Variants in CNOT10 observed in about 807,000 individuals in gnomAD.
The protein encoded by CNOT10 is CCR4-NOT transcription complex, subunit 10.
Under a neutral mutation model 94.6 loss-of-function variants are expected in CNOT10, and 30 were observed. The ratio of observed to expected loss-of-function variants is 0.32; its 90% CI spans 0.24 to 0.43. The LOEUF (loss-of-function observed/expected upper bound fraction) is 0.43, where lower values mean the gene tolerates loss of function less well. Ranked by LOEUF, CNOT10 falls within the 20% of genes least tolerant of loss-of-function variation. CNOT10 has a pLI of 1.00. For missense variants in CNOT10, 759 were observed against 877.2 expected (o/e 0.87, Z 1.70); for synonymous variants, 289 against 301.6 (o/e 0.96, Z 0.43).
At chr3:32,716,013 C>T in intron 5 of CNOT10, 1 of 393,754 alleles carries the variant, frequency 2.5e-6, no homozygotes, top group Non-Finnish European at 4.6e-6. Flanking sequence ...TGCCATGTTA[C>T]TCAAGCTGGT....
intron 10 of CNOT10, among the ~76,000 whole-genome samples, chr3:32,729,969 C>T (rs62250845): frequency 6.6e-6 from 1 of 151,100 alleles, no homozygotes; most frequent in Non-Finnish European, 1.5e-5. Context: ...GGGGTTTCAC[C>T]GTTTTAGCCG....
intron 8 of CNOT10, among the ~76,000 whole-genome samples, chr3:32,724,762 T>C (rs1698593289): frequency 6.6e-6 from 1 of 152,152 alleles, no homozygotes; most frequent in African/African-American, 2.4e-5. Context: ...TTTCACCATG[T>C]TGGCCAGGCT....
chr3:32,695,428 GTTTTC>G, intron 1 of CNOT10: 1 of 679,042 alleles, frequency 1.5e-6, no homozygotes, highest in East Asian at 3.2e-5. Context: ...CTTTGGAAAA[GTTTTC>G]TTTTCTTGAT....
chr3:32,725,303 C>T (rs1698616595), intron 8 of CNOT10, 147 bp from the exon 9 acceptor site: 1 of 576,820 alleles, frequency 1.7e-6, no homozygotes. Context: ...CAGATATTTC[C>T]TAAATTTCAA....
intron 8 of CNOT10, among the ~76,000 whole-genome samples, chr3:32,721,031 T>C (rs1698376119): frequency 7.2e-6 from 1 of 139,130 alleles, no homozygotes. Flanking sequence ...CTTCCTTCCT[T>C]CCCTTCCTTC....
chr3:32,699,299 G>A (rs1697225201), intron 1 of CNOT10, among the ~76,000 whole-genome samples: 1 of 152,172 alleles, frequency 6.6e-6, no homozygotes, highest in Admixed American at 6.5e-5. Context: ...TTAACAACAT[G>A]TTGTAAATAT....
At chr3:32,750,331 C>G (rs1699908263) in intron 13 of CNOT10, among the ~76,000 whole-genome samples, 1 of 151,916 alleles carries the variant, frequency 6.6e-6, no homozygotes, top group Non-Finnish European at 1.5e-5. Flanking sequence ...CCCATCTCTA[C>G]TAAAAATATA....
At chr3:32,748,074 A>G (rs925261303) in intron 13 of CNOT10, among the ~76,000 whole-genome samples, 1 of 152,180 alleles carries the variant, frequency 6.6e-6, no homozygotes, top group African/African-American at 2.4e-5. Flanking sequence ...CCTGGGCTGA[A>G]GTGAAACTCC....
At chr3:32,705,984 C>T (rs1172177210) in intron 3 of CNOT10, among the ~76,000 whole-genome samples, 2 of 152,136 alleles carry the variant, frequency 1.3e-5, no homozygotes, top group Admixed American at 6.6e-5. Flanking sequence ...CTCATATAAT[C>T]CTCACATTCA....
At position 32,734,790 on chromosome 3, in the gene CNOT10, TTC is replaced by T; in HGVS notation, c.1338-8_1338-7del. 1.3e-6 allele frequency: 2 copies of T among 1,562,372 alleles called. No homozygotes were observed. The highest frequency in any genetic ancestry group is 1.7e-6 in the Non-Finnish European group (2 of 1,150,590). Reference sequence around the variant, plus strand: ...TATCCACTTAGCTAATTTGGTTTTGTTCTTTTAAGTGATGGGCAGTCTTCGGC... The same window carrying T: ...TATCCACTTAGCTAATTTGGTTTTGTTTTTAAGTGATGGGCAGTCTTCGGC... On this transcript the variant is annotated splice_region_variant and splice_polypyrimidine_tract_variant and intron_variant, in intron 11 of 18. Coordinates refer to ENST00000328834, the MANE Select transcript of CNOT10 (RefSeq NM_015442.3).
chr3:32,730,470 A>G (rs1284666685), intron 10 of CNOT10, among the ~76,000 whole-genome samples: 1 of 152,094 alleles, frequency 6.6e-6, no homozygotes, highest in Non-Finnish European at 1.5e-5. Flanking sequence ...AACACACACA[A>G]TTTGTGCTGC....
chr3:32,765,929 G>T lies in CNOT10; in HGVS notation c.2004+1120G>T, dbSNP rs1294534581. ...AAGAAACTGCAAACATTAGTTGTTG[G>T]GGTGGCAGGACGAATACTACATGGC... is the stretch of plus-strand genomic sequence containing the variant. On this transcript the variant is annotated intron_variant, in intron 17 of 18. Coordinates refer to ENST00000328834, the MANE Select transcript of CNOT10 (RefSeq NM_015442.3). Among the ~76,000 whole-genome samples the T allele has an allele frequency of 3.8e-5, 2 of 52,034 alleles. 1 individual carries two copies. Among genetic ancestry groups the T allele is most frequent in the Non-Finnish European group, 8.7e-5 (2 of 23,088 alleles). 34.1% of individuals were successfully genotyped at this position (52,034 alleles called of 152,430 possible). A position where few individuals can be genotyped will look rare whatever the true frequency, so the allele number is the denominator to read the frequency against.
intron 13 of CNOT10, among the ~76,000 whole-genome samples, chr3:32,742,194 G>A (rs1464415416): frequency 1.3e-5 from 2 of 151,780 alleles, no homozygotes; most frequent in Admixed American, 6.6e-5. Context: ...GTGATCCACC[G>A]ACCCCGGCCT....
intron 1 of CNOT10, among the ~76,000 whole-genome samples, chr3:32,686,701 C>T (rs931022342): frequency 1.3e-5 from 2 of 152,322 alleles, no homozygotes; most frequent in East Asian, 3.9e-4. Context: ...CTGTCCAAGG[C>T]TGGACCAGGG....
intron 18 of CNOT10, among the ~76,000 whole-genome samples, chr3:32,770,547 G>C (rs145380861): frequency 6.6e-6 from 1 of 151,648 alleles, no homozygotes; most frequent in Non-Finnish European, 1.5e-5. Flanking sequence ...CGATGGTCTC[G>C]ATCTCCTGAC....
intron 12 of CNOT10, among the ~76,000 whole-genome samples, chr3:32,736,041 TTTTC>T (rs554586350): frequency 4.3e-4 from 65 of 152,134 alleles, no homozygotes; most frequent in African/African-American, 8.2e-4. Context: ...AATTCAGCTT[TTTTC>T]TTTCTTTCTT....
chr3:32,724,383 T>C (rs1412471614), intron 8 of CNOT10, among the ~76,000 whole-genome samples: 5 of 147,228 alleles, frequency 3.4e-5, no homozygotes, highest in African/African-American at 1.0e-4. Context: ...GTAACTGGGA[T>C]TACAGGCGCC....
chr3:32,733,490 G>T lies in CNOT10; in HGVS notation c.1283G>T (p.Gly428Val). ...ATTGTACAGTCTATTGTTGGTCAAG[G>T]CTATCATCGTAAAATAGTTTTGGCA... ...KGIVQSIVGQ[G>V]YHRKIVLASQ... The change falls in exon 11 of 19, where the codon GGC becomes GTC. Residue 428 changes from glycine (G) to valine (V), a missense_variant. Transcript: ENST00000328834. The T allele has an allele frequency of 6.2e-7, 1 of 1,604,290 alleles. No individual in the cohort carries two copies. The highest frequency in any genetic ancestry group is 8.5e-7 in the Non-Finnish European group (1 of 1,172,856).
chr3:32,752,893 C>T (rs1700025649), intron 13 of CNOT10: 2 of 355,142 alleles, frequency 5.6e-6, no homozygotes, highest in Non-Finnish European at 1.1e-5. Context: ...CCGGCGGCAG[C>T]AGCAGTGACT....
Sources: gnomAD v4.1 joint callset for allele counts (sites outside exome capture counted in the v4.1 genomes callset) on GRCh38, gnomAD v4.1.1 for gene constraint, MANE v1.5 for transcripts, NCBI Gene and HGNC (gene_info 2026-07-23, HGNC 2026-07-21) for gene names.